Variants in FYB1 observed in about 807,000 individuals in gnomAD.
The protein encoded by FYB1 is FYN-binding protein 1.
In FYB1, 41 loss-of-function variants were observed where a neutral mutation model predicts 94.1. The ratio of observed to expected loss-of-function variants is 0.44; its 90% confidence interval spans 0.34 to 0.57. The LOEUF (loss-of-function observed/expected upper bound fraction) is 0.57, where lower values mean the gene tolerates loss of function less well. FYB1 is among the 20% of genes least tolerant of loss of function. The probability of loss-of-function intolerance (pLI) is 0.02; values close to 1 mark genes in which losing one functional copy is unlikely to be tolerated. For missense variants in FYB1, 1,050 were observed against 976.8 expected (o/e 1.07, Z -1.00); for synonymous variants, 367 against 353.2 (o/e 1.04, Z -0.44).
chr5:39,248,752 G>A (rs1395372239), intron 1 of FYB1, among the ~76,000 whole-genome samples: 8 of 152,148 alleles, frequency 5.3e-5, no homozygotes, highest in African/African-American at 1.4e-4. Context: ...CAGGAGAATC[G>A]CTTGAACCAG....
At chr5:39,244,743 G>A (rs1349094455) in intron 1 of FYB1, among the ~76,000 whole-genome samples, 2 of 152,152 alleles carry the variant, frequency 1.3e-5, no homozygotes, top group Non-Finnish European at 2.9e-5. Context: ...ACCTCTGGTA[G>A]AATTCGGCTG....
At chr5:39,207,040 C>T (rs1011250560) in intron 1 of FYB1, among the ~76,000 whole-genome samples, 12 of 152,060 alleles carry the variant, frequency 7.9e-5, no homozygotes, top group African/African-American at 2.4e-4. Flanking sequence ...CATATTGGTG[C>T]GTGTTATTTG....
At chr5:39,224,784 G>C (rs754624248) in intron 1 of FYB1, among the ~76,000 whole-genome samples, 1 of 152,164 alleles carries the variant, frequency 6.6e-6, no homozygotes, top group African/African-American at 2.4e-5. Flanking sequence ...TGTGTAAAAA[G>C]TGGCTTTTCT....
intron 1 of FYB1, among the ~76,000 whole-genome samples, chr5:39,267,405 C>T (rs950714215): frequency 8.2e-6 from 1 of 122,658 alleles, no homozygotes; most frequent in African/African-American, 2.9e-5. Flanking sequence ...ATCATCATCA[C>T]GTCATCACCA....
intron 16 of FYB1, among the ~76,000 whole-genome samples, chr5:39,111,461 C>G (rs1162448527): frequency 1.3e-5 from 2 of 151,666 alleles, no homozygotes; most frequent in African/African-American, 4.8e-5. Flanking sequence ...GTATTGATGT[C>G]ATATTGCCAA....
chr5:39,187,505 C>A (rs761008886), intron 2 of FYB1, among the ~76,000 whole-genome samples: 15 of 152,164 alleles, frequency 9.9e-5, no homozygotes, highest in African/African-American at 1.4e-4. Context: ...AATGATGAGA[C>A]ATCTAGATAG....
At chr5:39,216,265 T>G (rs1347375820) in intron 1 of FYB1, among the ~76,000 whole-genome samples, 1 of 152,210 alleles carries the variant, frequency 6.6e-6, no homozygotes, top group Non-Finnish European at 1.5e-5. Context: ...TTCGTGTGTG[T>G]GTATAATACG....
chr5:39,183,994 A>G (rs1746503172), intron 2 of FYB1, among the ~76,000 whole-genome samples: 1 of 152,234 alleles, frequency 6.6e-6, no homozygotes, highest in Non-Finnish European at 1.5e-5. Flanking sequence ...TATAATAGGT[A>G]TCAGGTGAAA....
Position 39,153,490 on chromosome 5 carries a change from G to A in FYB1, c.1250C>T (p.Pro417Leu), listed in dbSNP as rs1335289468. 6 of 1,613,928 alleles carry A rather than the reference G, an allele frequency of 3.7e-6. No individual in the cohort carries two copies. The highest frequency in any genetic ancestry group is 5.1e-6 in the Non-Finnish European group (6 of 1,179,866). Residue 417 changes from proline to leucine, a missense_variant, in exon 3 of 19, where the codon CCA becomes CTA. By Grantham distance (98) the Pro-to-Leu change is moderately conservative (BLOSUM62 -3). Transcript: ENST00000512982. ...PASHPSQPPVPSLPPRNIKPP... is the reference protein window; with the variant it reads ...PASHPSQPPVLSLPPRNIKPP... Reference sequence around the variant, plus strand: ...TTTAATGTTTCTGGGAGGTAGGCTTGGGACTGGTGGTTGTGATGGGTGAGA... The same window carrying A: ...TTTAATGTTTCTGGGAGGTAGGCTTAGGACTGGTGGTTGTGATGGGTGAGA...
At chr5:39,224,930 G>A (rs948947254) in intron 1 of FYB1, among the ~76,000 whole-genome samples, 1 of 152,132 alleles carries the variant, frequency 6.6e-6, no homozygotes, top group African/African-American at 2.4e-5. Flanking sequence ...TAAAATTCTA[G>A]AAATGCATTT....
intron 3 of FYB1, among the ~76,000 whole-genome samples, chr5:39,145,434 T>G (rs1044203427): frequency 1.3e-5 from 2 of 152,162 alleles, no homozygotes; most frequent in Non-Finnish European, 2.9e-5. Context: ...ACTATTGATT[T>G]GAAAGAATTT....
intron 6 of FYB1, chr5:39,138,073 T>C (rs2150324638): frequency 4.2e-6 from 1 of 238,592 alleles, no homozygotes; most frequent in South Asian, 5.9e-5. Flanking sequence ...GGTACACATA[T>C]AAACCTTGGC....
In FYB1 at chr5:39,202,992, A is replaced by G; in HGVS notation, c.-27-5T>C. 1 of 1,611,446 alleles carries G rather than the reference A, an allele frequency of 6.2e-7. No individual in the cohort carries two copies. Among genetic ancestry groups the G allele is most frequent in the Non-Finnish European group, 8.5e-7 (1 of 1,178,860 alleles). On this transcript the variant is annotated splice_region_variant and splice_polypyrimidine_tract_variant and intron_variant, in intron 1 of 18. Coordinates refer to ENST00000512982, the MANE Select transcript of FYB1 (RefSeq NM_001465.6). ...CTTTACATCTGCCTTTCCATCCTAC[A>G]AACATAGGGAACAAAAAATAGCTGA... is the stretch of plus-strand genomic sequence containing the variant.
At chr5:39,171,863 G>A (rs1468281996) in intron 2 of FYB1, among the ~76,000 whole-genome samples, 1 of 152,102 alleles carries the variant, frequency 6.6e-6, no homozygotes, top group Non-Finnish European at 1.5e-5. Flanking sequence ...AGAGAACCTG[G>A]GGATTGTAAG....
At chr5:39,199,102 G>A (rs1001198236) in intron 2 of FYB1, among the ~76,000 whole-genome samples, 1 of 151,234 alleles carries the variant, frequency 6.6e-6, no homozygotes, top group African/African-American at 2.4e-5. Context: ...ATACGTATAT[G>A]TATATTATTA....
chr5:39,230,551 TG>T (rs1266981818), intron 1 of FYB1, among the ~76,000 whole-genome samples: 13 of 151,776 alleles, frequency 8.6e-5, no homozygotes, highest in Non-Finnish European at 1.9e-4. Flanking sequence ...ATGTATAATA[TG>T]TGTATATATA....
chr5:39,263,805 G>A lies in FYB1; in HGVS notation c.-28+10598C>T, dbSNP rs568086550. Among the ~76,000 whole-genome samples the A allele has an allele frequency of 7.6e-4, 116 of 152,254 alleles. 1 individual carries two copies. The highest frequency in any genetic ancestry group is 2.6e-3 in the African/African-American group (109 of 41,562). On this transcript the variant is annotated intron_variant, in intron 1 of 1. Transcript: ENST00000510188. The stretch of plus-strand genomic sequence containing the variant: ...AACAGGAACAAAGCCAATATTTAAG[G>A]CCCAAGCCAGGATCAAGGCTATCTG...
At chr5:39,208,640 T>C (rs1213828279) in intron 1 of FYB1, among the ~76,000 whole-genome samples, 3 of 152,076 alleles carry the variant, frequency 2.0e-5, no homozygotes, top group African/African-American at 4.8e-5. Flanking sequence ...CGATCATGAG[T>C]ACAAGAGAAA....
chr5:39,257,104 A>T (rs1023675062), intron 1 of FYB1, among the ~76,000 whole-genome samples: 1 of 152,208 alleles, frequency 6.6e-6, no homozygotes, highest in Admixed American at 6.5e-5. Flanking sequence ...CTTCTGCCAG[A>T]ACTTGCATAA....
Sources: allele counts gnomAD v4.1 joint callset (sites outside exome capture counted in the v4.1 genomes callset), GRCh38; gene constraint gnomAD v4.1.1; transcripts MANE v1.5; gene names NCBI Gene and HGNC (gene_info 2026-07-23, HGNC 2026-07-21).